PER3: variants seen among roughly 807,000 people sequenced by gnomAD.
The protein encoded by PER3 is period circadian protein homolog 3.
In PER3, 107 loss-of-function variants were observed where a neutral mutation model predicts 127.2. The ratio of observed to expected loss-of-function variants is 0.84; its 90% confidence interval spans 0.72 to 0.99. PER3 has a LOEUF of 0.99. PER3 is among the 50% of genes least tolerant of loss of function. PER3 has a pLI of 0.00. For missense variants in PER3, 1,560 were observed against 1,525.8 expected, an observed-to-expected ratio of 1.02 and a Z score of -0.37; for synonymous variants, 618 against 585.8, an observed-to-expected ratio of 1.05 and a Z score of -0.79.
chr1:7,810,393 A>G, intron 12 of PER3, 45 bp from the exon 13 acceptor site: 1 of 1,413,976 alleles, frequency 7.1e-7, no homozygotes, highest in Non-Finnish European at 9.7e-7. Context: ...TTTAGTGGAC[A>G]TTTTTATAAT....
chr1:7,803,672 TGTC>T lies in PER3; in HGVS notation c.980-19_980-17del, dbSNP rs1221322879. ...ATCTGTGTTAAGTAAATCCTATTTTTGTCTTATTATTTTATATAGTTTTGAAGT... is the reference window on the plus strand; with the variant it reads ...ATCTGTGTTAAGTAAATCCTATTTTTTTATTATTTTATATAGTTTTGAAGT... On this transcript the variant is annotated splice_polypyrimidine_tract_variant and intron_variant, in intron 9 of 21. Transcript: ENST00000377532. 2 of 1,474,834 alleles carry T rather than the reference TGTC, an allele frequency of 1.4e-6. No homozygotes were observed. Among genetic ancestry groups the T allele is most frequent in the Admixed American group, 3.7e-5 (2 of 54,656 alleles). 91.4% of individuals were successfully genotyped at this position (1,474,834 alleles called of 1,614,324 possible).
At position 7,827,127 on chromosome 1, in the gene PER3, C is replaced by A; in HGVS notation, c.2198C>A (p.Thr733Asn). 6.3e-7 allele frequency: 1 copy of A among 1,592,294 alleles called. No homozygotes were observed. Among genetic ancestry groups the A allele is most frequent in the Non-Finnish European group, 8.5e-7 (1 of 1,170,316 alleles). ...ACCTTTATCCTTCCAGGAGATTCTACTTCCAAGCAGACGCGGTCGGCCGGC... is the reference window on the plus strand; with the variant it reads ...ACCTTTATCCTTCCAGGAGATTCTAATTCCAAGCAGACGCGGTCGGCCGGC... ...AKYSYFQGDS[T>N]SKQTRSAGCR... Residue 733 changes from threonine (T) to asparagine (N), a missense_variant, in exon 18 of 22, where the codon ACT (threonine) becomes AAT (asparagine). Thr to Asn is a moderately conservative substitution (Grantham distance 65). Transcript: ENST00000377532.
At chr1:7,819,713 T>C (rs934188094) in intron 14 of PER3, among the ~76,000 whole-genome samples, 2 of 152,148 alleles carry the variant, frequency 1.3e-5, no homozygotes, top group African/African-American at 4.8e-5. Flanking sequence ...ACAGGCTGCA[T>C]GTGGCACAGG....
intron 10 of PER3, among the ~76,000 whole-genome samples, chr1:7,804,722 T>A (rs2097185671): frequency 6.6e-6 from 1 of 151,818 alleles, no homozygotes; most frequent in Admixed American, 6.6e-5. Flanking sequence ...TTTTAATACT[T>A]CTTTTCCTGC....
intron 5 of PER3, among the ~76,000 whole-genome samples, chr1:7,792,851 G>A (rs111392569): frequency 0.012 from 1,824 of 152,310 alleles, 26 homozygotes; most frequent in African/African-American, 0.04. Flanking sequence ...GTGGGTGCAC[G>A]TCTGCTGTCT....
At chr1:7,831,470 C>G (rs1351227138) in intron 19 of PER3, among the ~76,000 whole-genome samples, 2 of 152,068 alleles carry the variant, frequency 1.3e-5, no homozygotes, top group African/African-American at 4.8e-5. Context: ...CTGGCTAGGA[C>G]CCACAGTGAA....
chr1:7,804,668 G>A (rs1014467118), intron 10 of PER3, among the ~76,000 whole-genome samples: 4 of 151,774 alleles, frequency 2.6e-5, no homozygotes, highest in African/African-American at 9.7e-5. Flanking sequence ...CCAGAGTGCT[G>A]GAATTTTGAA....
intron 19 of PER3, among the ~76,000 whole-genome samples, chr1:7,832,820 A>C (rs2097339196): frequency 6.7e-6 from 1 of 150,288 alleles, no homozygotes; most frequent in Non-Finnish European, 1.5e-5. Context: ...GAATGCTCTA[A>C]CCATTGCATC....
At chr1:7,794,629 C>G (rs1411802163) in intron 6 of PER3, among the ~76,000 whole-genome samples, 1 of 151,880 alleles carries the variant, frequency 6.6e-6, no homozygotes, top group African/African-American at 2.4e-5. Context: ...TTTTGTTTAG[C>G]TTTTTGTTTT....
chr1:7,820,445 T>C, intron 15 of PER3, 22 bp from the exon 16 acceptor site: 2 of 1,587,294 alleles, frequency 1.3e-6, no homozygotes, highest in Non-Finnish European at 1.7e-6. Flanking sequence ...CTTTTCACTG[T>C]CAGTTTCTCT....
In PER3 at chr1:7,820,254, CCT is replaced by C. The variant is rs1158832665; in HGVS notation, c.1783+17_1783+18del. ...AGCCTTACAAGGTAACAAGAATGCC[CCT>C]CAGAGTTAAATTCAAAGAACTGTAA... On this transcript the variant is annotated intron_variant, in intron 15 of 21. Transcript: ENST00000377532. 1.9e-6 allele frequency: 3 copies of C among 1,607,344 alleles called. No individual in the cohort carries two copies. Among genetic ancestry groups the C allele is most frequent in the Non-Finnish European group, 1.7e-6 (2 of 1,177,354 alleles).
intron 13 of PER3, 64 bp from the exon 14 acceptor site, chr1:7,819,217 TAAGA>T: frequency 7.2e-7 from 1 of 1,388,504 alleles, no homozygotes; most frequent in Non-Finnish European, 1.0e-6. Context: ...TTAATTTTGG[TAAGA>T]AAGTATATGT....
chr1:7,827,116 A>G lies in PER3; in HGVS notation c.2189-2A>G, dbSNP rs901313689. 1.1e-5 allele frequency: 17 copies of G among 1,582,760 alleles called. No homozygotes were observed. The highest frequency in any genetic ancestry group is 1.4e-5 in the Non-Finnish European group (16 of 1,165,964). On this transcript the variant is annotated splice_acceptor_variant, in intron 17 of 21. Coordinates refer to ENST00000377532, the MANE Select transcript of PER3 (RefSeq NM_001377275.1). LOFTEE classifies it high-confidence loss of function. ...AATTTGCCTCTACCTTTATCCTTCC[A>G]GGAGATTCTACTTCCAAGCAGACGC...
chr1:7,792,647 T>A (rs1047687762), intron 5 of PER3, among the ~76,000 whole-genome samples: 4 of 152,216 alleles, frequency 2.6e-5, no homozygotes, highest in Non-Finnish European at 4.4e-5. Context: ...TTCCTTACTT[T>A]GAGCACATAG....
chr1:7,835,082 A>G (rs558566623), intron 19 of PER3, among the ~76,000 whole-genome samples: 2 of 152,190 alleles, frequency 1.3e-5, no homozygotes, highest in African/African-American at 2.4e-5. Context: ...TTTTTTCCTT[A>G]AAAAATAGGT....
intron 9 of PER3, among the ~76,000 whole-genome samples, 197 bp downstream of exon 9, chr1:7,803,350 A>G (rs1389360213): frequency 6.6e-6 from 1 of 150,616 alleles, no homozygotes; most frequent in Non-Finnish European, 1.5e-5. Flanking sequence ...GCACTTTGGG[A>G]GGCCGAGGTG....
chr1:7,832,041 A>G (rs2097333643), intron 19 of PER3, among the ~76,000 whole-genome samples: 2 of 152,082 alleles, frequency 1.3e-5, no homozygotes, highest in Admixed American at 6.5e-5. Flanking sequence ...GAGGATTTTA[A>G]CAACAAATTT....
In PER3 at chr1:7,812,115, C is replaced by T. The variant is rs1278105089; in HGVS notation, c.1522+1527C>T. Among the ~76,000 whole-genome samples, 4 of 152,154 alleles carry T rather than the reference C, an allele frequency of 2.6e-5. No homozygotes were observed. The South Asian group carries it at 8.3e-4, about 31-fold the overall frequency. On this transcript the variant is annotated intron_variant, in intron 13 of 21. Coordinates refer to ENST00000377532, the MANE Select transcript of PER3 (RefSeq NM_001377275.1). ...TTCTCATTGTCTGGTCCTGCTAGTC[C>T]TGCTCACAGCTGCCTGGGCCTAGGA...
At position 7,796,728 on chromosome 1, in the gene PER3, T is replaced by G. The variant is rs771241294; in HGVS notation, c.645-1797T>G. ...TAGAGGCTGTTACAGAGGTACAGGC[T>G]ATAGGCCAGCGTTCCGGGGGGAGGT... On this transcript the variant is annotated intron_variant, in intron 6 of 21. Coordinates refer to ENST00000377532, the MANE Select transcript of PER3 (RefSeq NM_001377275.1). 6.8e-4 allele frequency among the ~76,000 whole-genome samples: 103 copies of G among 152,258 alleles called. 1 individual carries two copies. The highest frequency in any genetic ancestry group is 1.2e-3 in the South Asian group (6 of 4,820).
Sources: gnomAD v4.1 joint callset for allele counts (sites outside exome capture counted in the v4.1 genomes callset) on GRCh38, gnomAD v4.1.1 for gene constraint, MANE v1.5 for transcripts, NCBI Gene and HGNC (gene_info 2026-07-23, HGNC 2026-07-21) for gene names.